The following FRMD3 variants were observed in gnomAD, a reference collection of about 807,000 sequenced individuals.
FRMD3 encodes FERM domain containing 3.
A neutral mutation model predicts 70.2 loss-of-function variants in FRMD3; 33 were observed. The observed-to-expected ratio is 0.47, with a 90% CI of 0.36 to 0.63. The LOEUF is 0.63. Ranked by LOEUF, FRMD3 falls within the 20% of genes least tolerant of loss-of-function variation. FRMD3 has a pLI of 0.00. For synonymous variants in FRMD3, 279 were observed against 255.9 expected (o/e 1.09, Z -0.86); for missense variants, 632 against 711.4 (o/e 0.89, Z 1.27).
At chr9:83,268,634 A>T (rs987983248) in intron 13 of FRMD3, among the ~76,000 whole-genome samples, 5 of 152,230 alleles carry the variant, frequency 3.3e-5, no homozygotes, top group African/African-American at 1.2e-4. Context: ...TCTTTATATA[A>T]ATGGTGTGGC....
chr9:83,419,003 G>C (rs1347141858), intron 1 of FRMD3, among the ~76,000 whole-genome samples: 1 of 152,180 alleles, frequency 6.6e-6, no homozygotes, highest in Non-Finnish European at 1.5e-5. Flanking sequence ...GATGGAGCTG[G>C]AGGCCATTAT....
chr9:83,273,894 C>T (rs1833704288), intron 13 of FRMD3, among the ~76,000 whole-genome samples: 1 of 152,190 alleles, frequency 6.6e-6, no homozygotes, highest in Non-Finnish European at 1.5e-5. Flanking sequence ...TAGCTCACTG[C>T]AGCCTCGACC....
At chr9:83,581,559 A>G in the FRMD3 span, among the ~76,000 whole-genome samples, 1 of 152,314 alleles carries the variant, frequency 6.6e-6, no homozygotes, top group Non-Finnish European at 1.5e-5. Context: ...GCACTTCCCC[A>G]AAAGGTTAAA....
chr9:83,322,735 T>C (rs1235912446), intron 6 of FRMD3, among the ~76,000 whole-genome samples: 1 of 152,212 alleles, frequency 6.6e-6, no homozygotes, highest in Non-Finnish European at 1.5e-5. Flanking sequence ...TCTCTCTTAC[T>C]GTTTCTCCAT....
At chr9:83,277,063 T>A (rs1230516767) in intron 13 of FRMD3, among the ~76,000 whole-genome samples, 3 of 152,218 alleles carry the variant, frequency 2.0e-5, no homozygotes, top group Non-Finnish European at 1.5e-5. Context: ...AGAGATATTC[T>A]CATATACAGT....
At chr9:83,418,927 T>C (rs1826537775) in intron 1 of FRMD3, among the ~76,000 whole-genome samples, 1 of 152,202 alleles carries the variant, frequency 6.6e-6, no homozygotes. Flanking sequence ...GTTTTTCTTA[T>C]ATATACACCA....
intron 13 of FRMD3, among the ~76,000 whole-genome samples, chr9:83,260,813 A>T (rs1428299857): frequency 1.3e-5 from 2 of 152,164 alleles, no homozygotes; most frequent in African/African-American, 4.8e-5. Flanking sequence ...TTAGTAAGAT[A>T]GTATACCATT....
At chr9:83,470,478 T>C (rs928357728) in intron 1 of FRMD3, among the ~76,000 whole-genome samples, 1 of 152,196 alleles carries the variant, frequency 6.6e-6, no homozygotes, top group South Asian at 2.1e-4. Context: ...GCTTGCAGAG[T>C]GGCACACAGG....
intron 1 of FRMD3, among the ~76,000 whole-genome samples, chr9:83,408,001 C>T (rs2131333753): frequency 6.6e-6 from 1 of 151,934 alleles, no homozygotes; most frequent in African/African-American, 2.4e-5. Context: ...TGGCAGTCTC[C>T]AGGAAGCCAG....
intron 1 of FRMD3, among the ~76,000 whole-genome samples, chr9:83,478,800 A>G (rs960843539): frequency 2.0e-5 from 3 of 152,188 alleles, no homozygotes; most frequent in East Asian, 1.9e-4. Context: ...ATACAATGCA[A>G]TATAATTCAG....
At chr9:83,511,266 C>A (rs1464632422) in intron 1 of FRMD3, among the ~76,000 whole-genome samples, 1 of 152,192 alleles carries the variant, frequency 6.6e-6, no homozygotes, top group Non-Finnish European at 1.5e-5. Flanking sequence ...ACTGTACACA[C>A]TCACAATAAT....
At chr9:83,264,975 T>C (rs1833173406) in intron 13 of FRMD3, among the ~76,000 whole-genome samples, 1 of 152,078 alleles carries the variant, frequency 6.6e-6, no homozygotes, top group South Asian at 2.1e-4. Context: ...AGTAAATGCA[T>C]TAATTATGAA....
the FRMD3 span, among the ~76,000 whole-genome samples, chr9:83,548,178 T>C: frequency 6.6e-6 from 1 of 152,196 alleles, no homozygotes; most frequent in South Asian, 2.1e-4. Flanking sequence ...CTTATGAAAC[T>C]AAACATAAGC....
intron 12 of FRMD3, among the ~76,000 whole-genome samples, chr9:83,295,531 A>ATTTTC (rs3029555): frequency 6.6e-6 from 1 of 152,072 alleles, no homozygotes; most frequent in Non-Finnish European, 1.5e-5. Context: ...AAAGCACTTT[A>ATTTTC]ATACTCATAA....
At chr9:83,519,402 C>T (rs1476874345) in intron 1 of FRMD3, among the ~76,000 whole-genome samples, 1 of 152,180 alleles carries the variant, frequency 6.6e-6, no homozygotes, top group Non-Finnish European at 1.5e-5. Flanking sequence ...AGCTCATCAT[C>T]ACTGGTCATT....
chr9:83,524,932 C>T (rs1000563989), intron 1 of FRMD3, among the ~76,000 whole-genome samples: 2 of 152,046 alleles, frequency 1.3e-5, no homozygotes, highest in African/African-American at 4.8e-5. Flanking sequence ...ATATGTGTAT[C>T]GACCGGCCAA....
At chr9:83,267,227 G>A in intron 13 of FRMD3, 2 of 1,532,454 alleles carry the variant, frequency 1.3e-6, no homozygotes, top group Middle Eastern at 1.7e-4. Context: ...AAAGGACCTA[G>A]GCAGGACCCA....
intron 3 of FRMD3, among the ~76,000 whole-genome samples, chr9:83,353,404 C>T (rs1199560620): frequency 6.6e-6 from 1 of 152,098 alleles, no homozygotes; most frequent in Non-Finnish European, 1.5e-5. Flanking sequence ...AGGGCTGGAA[C>T]AAGCTGAAAA....
chr9:83,479,765 GGGAGGGAGGGAGGGAGGGAGGGAAGGAA>G (rs1564097079), intron 1 of FRMD3, among the ~76,000 whole-genome samples: 2,109 of 93,992 alleles, frequency 0.022, 113 homozygotes, highest in African/African-American at 0.079. Context: ...GAAGAAGGGA[GGGAGGGAGGGAGGGAGGGAGGGAAGGAA>G]GGAAGGAAGG....
Sources: gnomAD v4.1 joint callset for allele counts (sites outside exome capture counted in the v4.1 genomes callset) on GRCh38, gnomAD v4.1.1 for gene constraint, MANE v1.5 for transcripts, NCBI Gene and HGNC (gene_info 2026-07-23, HGNC 2026-07-21) for gene names.